EPHA6: variants seen among roughly 807,000 people sequenced by gnomAD.
EPHA6 encodes the protein EPH receptor A6.
A neutral mutation model predicts 112.0 loss-of-function variants in EPHA6; 50 were observed. The ratio of observed to expected loss-of-function variants is 0.45; its 90% CI spans 0.36 to 0.56. EPHA6 has a LOEUF of 0.56. Among genes scored for constraint, EPHA6 ranks in the 20% least tolerant of loss-of-function variants. The pLI, the probability that EPHA6 is intolerant of heterozygous loss-of-function variation, is 0.00. For missense variants in EPHA6, 1,280 were observed against 1,417.4 expected (o/e 0.90, Z 1.56); for synonymous variants, 529 against 490.7 (o/e 1.08, Z -1.03).
At chr3:97,731,092 C>T (rs1414916440) in intron 15 of EPHA6, among the ~76,000 whole-genome samples, 3 of 151,826 alleles carry the variant, frequency 2.0e-5, no homozygotes, top group Non-Finnish European at 4.4e-5. Context: ...TAATGGGGGG[C>T]CTTTGCAGTG....
chr3:96,974,242 T>C (rs2042432715), intron 2 of EPHA6, among the ~76,000 whole-genome samples: 1 of 148,048 alleles, frequency 6.8e-6, no homozygotes, highest in African/African-American at 2.4e-5. Flanking sequence ...ATTATTATTA[T>C]AACATAAAAT....
chr3:96,938,287 G>C (rs1326108789), intron 2 of EPHA6, among the ~76,000 whole-genome samples: 1 of 152,074 alleles, frequency 6.6e-6, no homozygotes, highest in Non-Finnish European at 1.5e-5. Flanking sequence ...ATTTCCTTGA[G>C]CAGTGGTTTC....
chr3:97,620,964 A>G (rs569681130), intron 13 of EPHA6, among the ~76,000 whole-genome samples: 3 of 152,118 alleles, frequency 2.0e-5, no homozygotes, highest in African/African-American at 7.2e-5. Flanking sequence ...ACACGCATGC[A>G]TATATTCATT....
intron 10 of EPHA6, among the ~76,000 whole-genome samples, chr3:97,521,773 G>A (rs540131133): frequency 5.9e-4 from 90 of 152,184 alleles, no homozygotes; most frequent in South Asian, 2.1e-3. Context: ...CCCCCATGGG[G>A]CATGACAGTG....
chr3:96,844,715 T>C (rs915416527), intron 1 of EPHA6, among the ~76,000 whole-genome samples: 1 of 152,016 alleles, frequency 6.6e-6, no homozygotes, highest in Non-Finnish European at 1.5e-5. Flanking sequence ...TACATGATGA[T>C]AATTCCAACT....
chr3:97,193,960 G>A (rs1358666238), intron 3 of EPHA6, among the ~76,000 whole-genome samples: 1 of 151,658 alleles, frequency 6.6e-6, no homozygotes, highest in African/African-American at 2.4e-5. Context: ...TCAAAATATT[G>A]GACCATCCTT....
intron 5 of EPHA6, among the ~76,000 whole-genome samples, chr3:97,359,221 G>C (rs963974481): frequency 3.2e-4 from 48 of 151,630 alleles, no homozygotes; most frequent in African/African-American, 1.2e-3. Flanking sequence ...AGTTTGCTTA[G>C]GTTCTGTTCA....
chr3:97,085,946 T>TATATATATATATATATAC (rs952418337), intron 3 of EPHA6, among the ~76,000 whole-genome samples: 1 of 145,046 alleles, frequency 6.9e-6, no homozygotes, highest in African/African-American at 2.8e-5. Flanking sequence ...TATATATATA[T>TATATATATATATATATAC]ATACACACTG....
At chr3:97,168,593 C>G (rs9880783) in intron 3 of EPHA6, among the ~76,000 whole-genome samples, 26,564 of 146,478 alleles carry the variant, frequency 0.18, 2,589 homozygotes, top group African/African-American at 0.28. Context: ...CTCTCTCTCT[C>G]TGTGTGTCTC....
chr3:96,865,489 C>G (rs1472795048), intron 1 of EPHA6, among the ~76,000 whole-genome samples: 1 of 151,854 alleles, frequency 6.6e-6, no homozygotes, highest in African/African-American at 2.4e-5. Flanking sequence ...CAAGACCTGT[C>G]TGCATAGCAT....
chr3:97,606,823 C>A (rs1172553479), intron 12 of EPHA6, among the ~76,000 whole-genome samples: 3 of 151,008 alleles, frequency 2.0e-5, no homozygotes, highest in Non-Finnish European at 4.5e-5. Flanking sequence ...ATCTCTACAA[C>A]AGAAACATGG....
chr3:97,015,871 G>A (rs553275174), intron 3 of EPHA6, among the ~76,000 whole-genome samples: 1 of 152,194 alleles, frequency 6.6e-6, no homozygotes, highest in Admixed American at 6.5e-5. Flanking sequence ...AATAGCTGAC[G>A]ATCTCTGGAT....
At chr3:97,552,497 C>A (rs2093042586) in intron 11 of EPHA6, among the ~76,000 whole-genome samples, 1 of 152,030 alleles carries the variant, frequency 6.6e-6, no homozygotes, top group African/African-American at 2.4e-5. Flanking sequence ...AATCTAGTTC[C>A]AAATATAATG....
intron 2 of EPHA6, among the ~76,000 whole-genome samples, chr3:96,984,366 C>T (rs568921852): frequency 5.3e-5 from 8 of 152,212 alleles, no homozygotes; most frequent in African/African-American, 1.4e-4. Context: ...TGCAGAACAC[C>T]GAATATTGCT....
intron 11 of EPHA6, among the ~76,000 whole-genome samples, chr3:97,582,364 C>T (rs1370560838): frequency 4.6e-5 from 7 of 152,028 alleles, no homozygotes; most frequent in African/African-American, 7.3e-5. Context: ...TTATACTCAC[C>T]GGTAGGGAGA....
At chr3:97,662,013 T>A (rs1456265880) in intron 14 of EPHA6, among the ~76,000 whole-genome samples, 4 of 152,150 alleles carry the variant, frequency 2.6e-5, no homozygotes, top group Non-Finnish European at 4.4e-5. Context: ...AAGCATTGTT[T>A]ATGTATGATT....
At chr3:97,707,744 G>A (rs553663518) in intron 14 of EPHA6, among the ~76,000 whole-genome samples, 8 of 152,268 alleles carry the variant, frequency 5.3e-5, no homozygotes, top group African/African-American at 1.9e-4. Flanking sequence ...GACCTGGTGG[G>A]AGGTGATTGG....
intron 2 of EPHA6, among the ~76,000 whole-genome samples, chr3:96,934,936 T>C (rs1453206368): frequency 6.6e-6 from 1 of 151,838 alleles, no homozygotes; most frequent in East Asian, 1.9e-4. Flanking sequence ...GTTTTTAATA[T>C]ACTAACATCA....
chr3:96,939,424 T>C (rs1051575619), intron 2 of EPHA6, among the ~76,000 whole-genome samples: 1 of 152,206 alleles, frequency 6.6e-6, no homozygotes, highest in South Asian at 2.1e-4. Flanking sequence ...CTGATGGTAG[T>C]TTGTATTTCT....
Sources: gnomAD v4.1 joint callset for allele counts (sites outside exome capture counted in the v4.1 genomes callset) on GRCh38, gnomAD v4.1.1 for gene constraint, MANE v1.5 for transcripts, NCBI Gene and HGNC (gene_info 2026-07-23, HGNC 2026-07-21) for gene names.